Variants in ITPKB observed in about 807,000 individuals in gnomAD.
ITPKB encodes IP3 3-kinase B.
Under a neutral mutation model 69.4 loss-of-function variants are expected in ITPKB, and 13 were observed. That is an observed-to-expected ratio of 0.19 (90% CI 0.12 to 0.30). The LOEUF (loss-of-function observed/expected upper bound fraction) is 0.30, where lower values mean the gene tolerates loss of function less well. ITPKB is among the 10% of genes least tolerant of loss of function. ITPKB has a pLI of 1.00. For synonymous variants in ITPKB, 584 were observed against 513.7 expected (o/e 1.14, Z -1.85); for missense variants, 1,240 against 1,250.5 (o/e 0.99, Z 0.13).
At chr1:226,672,915 G>A (rs1289895992) in intron 2 of ITPKB, among the ~76,000 whole-genome samples, 1 of 152,208 alleles carries the variant, frequency 6.6e-6, no homozygotes, top group African/African-American at 2.4e-5. Flanking sequence ...TGGAGAACCT[G>A]CATTTGGCTT....
At chr1:226,659,328 G>T (rs1350511880) in intron 2 of ITPKB, among the ~76,000 whole-genome samples, 1 of 152,006 alleles carries the variant, frequency 6.6e-6, no homozygotes, top group East Asian at 2.0e-4. Context: ...AGCAGCCCAG[G>T]GCCTCACCAA....
chr1:226,703,511 C>T (rs1348938245), intron 2 of ITPKB, among the ~76,000 whole-genome samples: 1 of 152,170 alleles, frequency 6.6e-6, no homozygotes, highest in Non-Finnish European at 1.5e-5. Context: ...CCCCCACCTC[C>T]TCTCTCCTCC....
intron 2 of ITPKB, among the ~76,000 whole-genome samples, chr1:226,682,292 A>G (rs1656111050): frequency 6.6e-6 from 1 of 152,226 alleles, no homozygotes; most frequent in Admixed American, 6.5e-5. Flanking sequence ...CATTGGTCAA[A>G]GTGGCCCAAA....
rs1342154435 is a variant in ITPKB at position 226,634,583 on chromosome 1, TG to T, written c.*87del. On this transcript the variant is annotated 3_prime_UTR_variant, in exon 8 of 8. Coordinates refer to ENST00000429204, the MANE Select transcript of ITPKB (RefSeq NM_002221.4). The surrounding 1 kb of genome is among the most constrained non-coding windows in gnomAD (Gnocchi z 6.3). The stretch of plus-strand genomic sequence containing the variant: ...GTGCAGTTCAGGAGGGTCAGTCAGG[TG>T]TAAGTGAAGGAAAAGTTAGGAACGA... The T allele has an allele frequency of 4.5e-6, 3 of 672,732 alleles. No homozygotes were observed. In the East Asian group the frequency reaches 8.0e-5, roughly 18 times the overall value. The allele number at this position is 672,732 out of a possible 1,614,324, so 41.7% of individuals were successfully genotyped here.
At chr1:226,652,269 C>T (rs1669209842) in intron 2 of ITPKB, among the ~76,000 whole-genome samples, 1 of 152,194 alleles carries the variant, frequency 6.6e-6, no homozygotes, top group Non-Finnish European at 1.5e-5. Context: ...AATCAATGTC[C>T]TTGTGATGGT....
At chr1:226,682,605 T>A (rs1047340925) in intron 2 of ITPKB, among the ~76,000 whole-genome samples, 5 of 152,156 alleles carry the variant, frequency 3.3e-5, no homozygotes, top group Non-Finnish European at 4.4e-5. Context: ...ACATACAAGG[T>A]CTTCCATAAG....
At chr1:226,709,133 T>C (rs1656881288) in intron 2 of ITPKB, among the ~76,000 whole-genome samples, 1 of 152,242 alleles carries the variant, frequency 6.6e-6, no homozygotes, top group South Asian at 2.1e-4. Flanking sequence ...GATTCACCCA[T>C]TTCACAAAGG....
At position 226,666,583 on chromosome 1, in the gene ITPKB, C is replaced by A. The variant is rs573732015; in HGVS notation, c.1933-17812G>T. ...GATCTACCCTCAGGGACAGCTAAGG[C>A]GATTCTGGAACAGGGCTGCCAAAAC... is the stretch of plus-strand genomic sequence containing the variant. On this transcript the variant is annotated intron_variant, in intron 2 of 7. Transcript: ENST00000429204. Among the ~76,000 whole-genome samples, 256 of 152,230 alleles carry A rather than the reference C, an allele frequency of 1.7e-3. 2 individuals are homozygous for A. Among genetic ancestry groups the A allele is most frequent in the African/African-American group, 6.0e-3 (249 of 41,526 alleles).
chr1:226,699,683 G>A (rs1294731962), intron 2 of ITPKB, among the ~76,000 whole-genome samples: 1 of 151,596 alleles, frequency 6.6e-6, no homozygotes, highest in East Asian at 1.9e-4. Flanking sequence ...GCCCTTTCTG[G>A]GATATTCTTC....
chr1:226,664,273 T>TGA (rs916142125), intron 2 of ITPKB, among the ~76,000 whole-genome samples: 7 of 152,242 alleles, frequency 4.6e-5, no homozygotes, highest in Admixed American at 3.9e-4. Flanking sequence ...TCAGTGAGCC[T>TGA]GAACACAGGC....
intron 2 of ITPKB, chr1:226,707,886 C>A: frequency 1.5e-6 from 2 of 1,322,736 alleles, no homozygotes; most frequent in South Asian, 1.2e-5. Context: ...CCCAGCAGTA[C>A]CACTGAGGGG....
chr1:226,658,184 A>G (rs958918851), intron 2 of ITPKB, among the ~76,000 whole-genome samples: 1 of 152,214 alleles, frequency 6.6e-6, no homozygotes, highest in Non-Finnish European at 1.5e-5. Flanking sequence ...AAAAGCAGTT[A>G]GGGTTTCCCT....
In ITPKB at chr1:226,642,896, G is replaced by A. The variant is rs1181535448; in HGVS notation, c.2247-771C>T. Among the ~76,000 whole-genome samples, 3 of 152,172 alleles carry A rather than the reference G, an allele frequency of 2.0e-5. No homozygotes were observed. Among genetic ancestry groups the A allele is most frequent in the Non-Finnish European group, 4.4e-5 (3 of 68,036 alleles). ...TCTTTCCAAAGAGGTGAAATCTTCT[G>A]GAGCACAAAGTTCAGGTCAGAAAGT... On this transcript the variant is annotated intron_variant, in intron 4 of 7. Transcript: ENST00000429204. The surrounding 1 kb of genome is among the most constrained non-coding windows in gnomAD (Gnocchi z 6.4).
chr1:226,711,137 A>G (rs2102636929), intron 2 of ITPKB, among the ~76,000 whole-genome samples: 1 of 152,312 alleles, frequency 6.6e-6, no homozygotes, highest in African/African-American at 2.4e-5. Flanking sequence ...AGATTCTCCA[A>G]TTAACTGAGG....
intron 7 of ITPKB, among the ~76,000 whole-genome samples, chr1:226,636,920 T>G (rs1394852554): frequency 6.6e-6 from 1 of 152,044 alleles, no homozygotes; most frequent in Non-Finnish European, 1.5e-5. Context: ...TGAATGTGTG[T>G]GCATGCATGT....
chr1:226,634,900 G>A lies in ITPKB; in HGVS notation c.2626-14C>T, dbSNP rs1308688244. 1 of 1,598,562 alleles carries A rather than the reference G, an allele frequency of 6.3e-7. No individual in the cohort carries two copies. ...GCTGCCAATGACCTGAGGAGAACATGGGGGTGAAGGGTGAGCTGAAGCCCG... is the reference window on the plus strand; with the variant it reads ...GCTGCCAATGACCTGAGGAGAACATAGGGGTGAAGGGTGAGCTGAAGCCCG... On this transcript the variant is annotated splice_polypyrimidine_tract_variant and intron_variant, in intron 7 of 7. Coordinates refer to ENST00000429204, the MANE Select transcript of ITPKB (RefSeq NM_002221.4). The surrounding 1 kb of genome is among the most constrained non-coding windows in gnomAD (Gnocchi z 6.3).
rs1668864057 is a variant in ITPKB at position 226,637,590 on chromosome 1, C to A, written c.2625+89G>T. On this transcript the variant is annotated intron_variant, in intron 7 of 7. Transcript: ENST00000429204. The surrounding 1 kb of genome is among the most constrained non-coding windows in gnomAD (Gnocchi z 4.3). Reference sequence around the variant, plus strand: ...CTCTGGCTGCACCACCCTGAAAATGCCCGATGCCCCGGGCTTCTGGAAGGA... The same window carrying A: ...CTCTGGCTGCACCACCCTGAAAATGACCGATGCCCCGGGCTTCTGGAAGGA... The A allele has an allele frequency of 9.6e-7, 1 of 1,042,082 alleles. No individual in the cohort carries two copies. The highest frequency in any genetic ancestry group is 1.9e-5 in the Admixed American group (1 of 52,062). The allele number at this position is 1,042,082 out of a possible 1,614,324, so 64.6% of individuals were successfully genotyped here.
intron 2 of ITPKB, among the ~76,000 whole-genome samples, chr1:226,714,366 T>C (rs1423010125): frequency 6.6e-6 from 1 of 152,238 alleles, no homozygotes; most frequent in Non-Finnish European, 1.5e-5. Flanking sequence ...TAAACCTTTC[T>C]TGTTTTCTGC....
chr1:226,700,383 C>T (rs1022113638), intron 2 of ITPKB, among the ~76,000 whole-genome samples: 2 of 136,306 alleles, frequency 1.5e-5, no homozygotes, highest in African/African-American at 5.5e-5. Context: ...ACAGGGGAAT[C>T]ACTTGAATCC....
Sources: allele counts gnomAD v4.1 joint callset (sites outside exome capture counted in the v4.1 genomes callset), GRCh38; gene constraint gnomAD v4.1.1; non-coding constraint Gnocchi (gnomAD v3.1); transcripts MANE v1.5; gene names NCBI Gene and HGNC (gene_info 2026-07-23, HGNC 2026-07-21).